Variants in GRIP1 observed in about 807,000 individuals in gnomAD.
GRIP1 encodes the protein glutamate receptor-interacting protein 1.
A neutral mutation model predicts 129.9 loss-of-function variants in GRIP1; 45 were observed. That is an observed-to-expected ratio of 0.35 (90% CI 0.27 to 0.44). The LOEUF (loss-of-function observed/expected upper bound fraction) is 0.44. GRIP1 is among the 20% of genes least tolerant of loss of function. The pLI is 1.00. For synonymous variants in GRIP1, 530 were observed against 520.8 expected (o/e 1.02, Z -0.24); for missense variants, 1,196 against 1,396.8 (o/e 0.86, Z 2.29).
chr12:66,718,844 C>T (rs575321345), intron 1 of GRIP1, among the ~76,000 whole-genome samples: 2 of 152,108 alleles, frequency 1.3e-5, no homozygotes, highest in Admixed American at 6.6e-5. Context: ...AAGAGTGAAA[C>T]TCCATCTCAA....
chr12:66,516,786 A>C (rs6581702), intron 6 of GRIP1, among the ~76,000 whole-genome samples: 71,387 of 152,092 alleles, frequency 0.47, 16,947 homozygotes, highest in African/African-American at 0.54. Context: ...TACGTCAGCA[A>C]AAGTAAGAAA....
intron 1 of GRIP1, among the ~76,000 whole-genome samples, chr12:66,743,588 CT>C (rs150045918): frequency 4.7e-5 from 6 of 128,540 alleles, no homozygotes; most frequent in Admixed American, 2.3e-4. Flanking sequence ...CGTAAATAGG[CT>C]TTTTTTTTGT....
intron 1 of GRIP1, among the ~76,000 whole-genome samples, chr12:66,605,993 A>G (rs7315622): frequency 0.34 from 51,182 of 151,972 alleles, 8,919 homozygotes; most frequent in Non-Finnish European, 0.37. Context: ...TCCCAGGGTC[A>G]TTGATTTGAC....
chr12:66,724,419 C>T (rs1057448340), intron 1 of GRIP1, among the ~76,000 whole-genome samples: 3 of 152,158 alleles, frequency 2.0e-5, no homozygotes, highest in African/African-American at 7.2e-5. Context: ...CTAACTGAGG[C>T]ACAGGAAATT....
intron 1 of GRIP1, among the ~76,000 whole-genome samples, chr12:67,057,100 G>A (rs1456417828): frequency 6.6e-6 from 1 of 152,108 alleles, no homozygotes; most frequent in Non-Finnish European, 1.5e-5. Flanking sequence ...ACAGGCGTGA[G>A]CCACCGTGCC....
At chr12:66,735,150 G>A (rs544361220) in intron 1 of GRIP1, among the ~76,000 whole-genome samples, 2 of 152,222 alleles carry the variant, frequency 1.3e-5, no homozygotes, top group South Asian at 4.2e-4. Flanking sequence ...TGGAGTCCCT[G>A]TTGTTCTTCT....
chr12:66,599,147 C>G (rs914593809), intron 1 of GRIP1, among the ~76,000 whole-genome samples: 1 of 152,164 alleles, frequency 6.6e-6, no homozygotes, highest in Non-Finnish European at 1.5e-5. Flanking sequence ...ATCACCACCC[C>G]CAACCTCCAC....
At chr12:66,385,189 T>C (rs2056300494) in intron 19 of GRIP1, among the ~76,000 whole-genome samples, 1 of 152,164 alleles carries the variant, frequency 6.6e-6, no homozygotes, top group Non-Finnish European at 1.5e-5. Context: ...TAAAAATTGA[T>C]AAAATAAATA....
chr12:66,636,027 G>A (rs1019201372), intron 1 of GRIP1, among the ~76,000 whole-genome samples: 1 of 152,072 alleles, frequency 6.6e-6, no homozygotes, highest in Non-Finnish European at 1.5e-5. Context: ...ATGGATGAAT[G>A]GATAAACAAA....
chr12:66,640,517 C>A (rs1190601665), intron 1 of GRIP1, among the ~76,000 whole-genome samples: 1 of 152,160 alleles, frequency 6.6e-6, no homozygotes, highest in African/African-American at 2.4e-5. Context: ...CGATGTCTCT[C>A]GAAGTTGATT....
At chr12:66,564,292 A>G in intron 2 of GRIP1, among the ~76,000 whole-genome samples, 1 of 102,012 alleles carries the variant, frequency 9.8e-6, no homozygotes, top group South Asian at 3.9e-4. Flanking sequence ...CCACCCCACA[A>G]CAGGCTCCGG....
At chr12:66,461,410 C>T (rs1251750425) in intron 9 of GRIP1, among the ~76,000 whole-genome samples, 1 of 152,180 alleles carries the variant, frequency 6.6e-6, no homozygotes, top group Non-Finnish European at 1.5e-5. Context: ...TTTAAAGAAA[C>T]TTAAACAGCT....
chr12:66,501,677 CT>C (rs1449771831), intron 7 of GRIP1, among the ~76,000 whole-genome samples: 3 of 152,142 alleles, frequency 2.0e-5, no homozygotes, highest in African/African-American at 7.2e-5. Flanking sequence ...ATCGCCTCCC[CT>C]GACAGAATTC....
At chr12:66,412,986 T>C (rs575133017) in intron 15 of GRIP1, among the ~76,000 whole-genome samples, 1 of 152,232 alleles carries the variant, frequency 6.6e-6, no homozygotes, top group South Asian at 2.1e-4. Context: ...ATGAAGAAAC[T>C]TATACTCCCA....
rs775402856 is a variant in GRIP1 at position 66,445,425 on chromosome 12, C to G, written c.1438G>C (p.Val480Leu). Reference sequence around the variant, plus strand: ...TGCAGTTGGATCCCAAATCCTGTGACAGGATCTGCCGTCAGCACAACCTCT... The same window carrying G: ...TGCAGTTGGATCCCAAATCCTGTGAGAGGATCTGCCGTCAGCACAACCTCT... The part of the protein sequence containing the change: ...TTEVVLTADP[V>L]TGFGIQLQGS... Residue 480 changes from valine (V) to leucine (L), a missense_variant, in exon 12 of 25, where the codon GTC (valine) becomes CTC (leucine). This residue lies in a region of GRIP1 where 508 missense variants were observed against 587.0 expected (regional missense o/e 0.87). Transcript: ENST00000359742. 2.9e-5 allele frequency: 47 copies of G among 1,614,102 alleles called. No individual in the cohort carries two copies. Among genetic ancestry groups the G allele is most frequent in the Non-Finnish European group, 3.9e-5 (46 of 1,179,918 alleles).
intron 1 of GRIP1, among the ~76,000 whole-genome samples, chr12:66,842,889 C>T (rs771724806): frequency 5.3e-5 from 8 of 152,066 alleles, no homozygotes; most frequent in Non-Finnish European, 7.4e-5. Context: ...CCATCAGCTG[C>T]TTACGTTTTT....
chr12:66,525,005 C>G (rs1745777693), intron 5 of GRIP1, among the ~76,000 whole-genome samples: 1 of 152,040 alleles, frequency 6.6e-6, no homozygotes, highest in Non-Finnish European at 1.5e-5. Flanking sequence ...CTGAATAGAC[C>G]AATAACAGGC....
rs1045136939 is a variant in GRIP1, at chr12:66,404,059, G to A, written c.1984+2224C>T. 4.6e-5 allele frequency among the ~76,000 whole-genome samples: 7 copies of A among 152,190 alleles called. 1 individual carries two copies. The highest frequency in any genetic ancestry group is 8.8e-5 in the Non-Finnish European group (6 of 68,038). ...GACAGAACCCAGGCTGATGCTAAAG[G>A]CTTCCTCTCTATTTTGAAATCAATC... is the stretch of plus-strand genomic sequence containing the variant. On this transcript the variant is annotated intron_variant, in intron 16 of 24. Coordinates refer to ENST00000359742, the MANE Select transcript of GRIP1 (RefSeq NM_001366722.1).
chr12:66,654,877 G>A (rs903562307), intron 1 of GRIP1, among the ~76,000 whole-genome samples: 1 of 152,172 alleles, frequency 6.6e-6, no homozygotes, highest in African/African-American at 2.4e-5. Context: ...CTGGGAAGCT[G>A]GTGCCACTAA....
Sources: allele counts gnomAD v4.1 joint callset (sites outside exome capture counted in the v4.1 genomes callset), GRCh38; gene constraint gnomAD v4.1.1; regional missense constraint gnomAD v4.1.1; transcripts MANE v1.5; gene names NCBI Gene and HGNC (gene_info 2026-07-23, HGNC 2026-07-21).